The following NRG1 variants were observed in gnomAD, a reference collection of about 807,000 sequenced individuals.
The protein encoded by NRG1 is neuregulin 1, also known as pro-neuregulin-1, membrane-bound isoform.
A neutral mutation model predicts 63.8 loss-of-function variants in NRG1; 18 were observed. The ratio of observed to expected loss-of-function variants is 0.28; its 90% confidence interval spans 0.19 to 0.42. The LOEUF is 0.42. Ranked by LOEUF, NRG1 falls within the 10% of genes least tolerant of loss-of-function variation. The pLI, the probability that NRG1 is intolerant of heterozygous loss-of-function variation, is 1.00. For missense variants in NRG1, 762 were observed against 814.7 expected, an observed-to-expected ratio of 0.94 and a Z score of 0.79; for synonymous variants, 302 against 301.3, an observed-to-expected ratio of 1.00 and a Z score of -0.02.
chr8:32,250,588 A>G (rs1442503074), intron 1 of NRG1, among the ~76,000 whole-genome samples: 1 of 152,096 alleles, frequency 6.6e-6, no homozygotes, highest in Non-Finnish European at 1.5e-5. Context: ...ATTAAAATGG[A>G]TTTCCACGAA....
chr8:31,821,107 G>C (rs1236989611), intron 1 of NRG1, among the ~76,000 whole-genome samples: 1 of 152,044 alleles, frequency 6.6e-6, no homozygotes, highest in Non-Finnish European at 1.5e-5. Flanking sequence ...GTAAATAGTT[G>C]TTTTATTTGC....
Position 32,410,878 on chromosome 8 carries a change from ATTT to A in NRG1, c.38-184936_38-184934del, listed in dbSNP as rs150202882. Among the ~76,000 whole-genome samples, 875 of 141,852 alleles carry A rather than the reference ATTT, an allele frequency of 6.2e-3. 10 individuals are homozygous for A. Among genetic ancestry groups the A allele is most frequent in the African/African-American group, 0.021 (806 of 38,784 alleles). The allele number at this position is 141,852 out of a possible 152,430, so 93.1% of individuals were successfully genotyped here. On this transcript the variant is annotated intron_variant, in intron 1 of 10. Coordinates refer to the NRG1 transcript ENST00000519301. ...ACAGGCTTAAGTGATCACAACCCAC[ATTT>A]TTTTTTTTTTTTTGAGATGGAGCCT...
rs550522254 is a variant in NRG1 at position 32,032,803 on chromosome 8, C to T, written c.37+393372C>T. Among the ~76,000 whole-genome samples the T allele has an allele frequency of 5.3e-5, 8 of 152,206 alleles. No individual in the cohort carries two copies. In the South Asian group the frequency reaches 1.7e-3, roughly 32 times the overall value. On this transcript the variant is annotated intron_variant, in intron 1 of 10. Coordinates refer to the NRG1 transcript ENST00000519301. ...ATTAGATCTCATTTTTAAATTTCTGCTTTTGTTGCAACTGCTGTTGGCAAT... is the reference window on the plus strand; with the variant it reads ...ATTAGATCTCATTTTTAAATTTCTGTTTTTGTTGCAACTGCTGTTGGCAAT...
intron 1 of NRG1, among the ~76,000 whole-genome samples, chr8:32,530,062 A>G (rs954094491): frequency 8.5e-5 from 13 of 152,172 alleles, no homozygotes; most frequent in African/African-American, 3.1e-4. Context: ...GTGTTGTGCT[A>G]CAATGTCACT....
intron 1 of NRG1, among the ~76,000 whole-genome samples, chr8:32,538,713 C>A (rs369210262): frequency 6.6e-6 from 1 of 152,128 alleles, no homozygotes; most frequent in East Asian, 1.9e-4. Flanking sequence ...CCAATCATTC[C>A]GAAGCTGAAT....
chr8:32,205,728 G>C (rs145475049), intron 1 of NRG1, among the ~76,000 whole-genome samples: 2 of 152,230 alleles, frequency 1.3e-5, no homozygotes, highest in Non-Finnish European at 2.9e-5. Flanking sequence ...ATTGGCCTGG[G>C]AGGGTAAGCA....
At chr8:32,170,356 T>C (rs955018190) in intron 1 of NRG1, among the ~76,000 whole-genome samples, 3 of 152,058 alleles carry the variant, frequency 2.0e-5, no homozygotes, top group Admixed American at 6.6e-5. Context: ...GAGAAAGGAG[T>C]TGGCATTTTC....
chr8:31,983,895 C>A lies in NRG1; in HGVS notation c.37+344464C>A, dbSNP rs927915169. Among the ~76,000 whole-genome samples the A allele has an allele frequency of 4.6e-5, 7 of 151,810 alleles. No homozygotes were observed. The East Asian group carries it at 1.4e-3, about 30-fold the overall frequency. Reference sequence around the variant, plus strand: ...ATCTGGAAGATAGAAGTGAAATTGTCCATGAAAAAGGAAGAAAGAAGAATG... The same window carrying A: ...ATCTGGAAGATAGAAGTGAAATTGTACATGAAAAAGGAAGAAAGAAGAATG... On this transcript the variant is annotated intron_variant, in intron 1 of 10. Coordinates refer to the NRG1 transcript ENST00000519301.
intron 1 of NRG1, among the ~76,000 whole-genome samples, chr8:32,528,536 T>C (rs1295447591): frequency 6.6e-6 from 1 of 152,218 alleles, no homozygotes; most frequent in Non-Finnish European, 1.5e-5. Context: ...GAATTAGTGA[T>C]AGCAACTCTG....
intron 1 of NRG1, among the ~76,000 whole-genome samples, chr8:32,355,320 G>T (rs11787065): frequency 0.15 from 23,253 of 151,854 alleles, 1,980 homozygotes; most frequent in South Asian, 0.21. Context: ...TTAGCCGGGC[G>T]TGGTGGTGTG....
At chr8:32,313,540 A>T (rs565928192) in intron 1 of NRG1, among the ~76,000 whole-genome samples, 6 of 152,354 alleles carry the variant, frequency 3.9e-5, no homozygotes, top group Admixed American at 3.9e-4. Context: ...ACTCAGTAAC[A>T]ACACTGAAGT....
chr8:31,995,475 T>C (rs1811812438), intron 1 of NRG1, among the ~76,000 whole-genome samples: 1 of 151,962 alleles, frequency 6.6e-6, no homozygotes, highest in Non-Finnish European at 1.5e-5. Flanking sequence ...ATAGGCTGTT[T>C]TCCTGGGATA....
chr8:32,245,795 A>T (rs548539146), intron 1 of NRG1, among the ~76,000 whole-genome samples: 93 of 152,160 alleles, frequency 6.1e-4, no homozygotes, highest in Non-Finnish European at 1.1e-3. Context: ...TTTCATAAGG[A>T]ATCTCAAATT....
intron 7 of NRG1, among the ~76,000 whole-genome samples, chr8:32,747,920 C>CT (rs1283379862): frequency 6.6e-6 from 1 of 151,932 alleles, no homozygotes; most frequent in Non-Finnish European, 1.5e-5. Context: ...CTGTTAAACC[C>CT]TTCTGCTGTT....
chr8:32,728,447 T>C (rs1822814296), intron 6 of NRG1: 2 of 985,132 alleles, frequency 2.0e-6, no homozygotes, highest in Non-Finnish European at 2.4e-6. Context: ...TGAATTAAGC[T>C]GTAAGATAAT....
intron 1 of NRG1, among the ~76,000 whole-genome samples, chr8:32,431,376 G>T (rs574028322): frequency 1.3e-5 from 2 of 152,174 alleles, no homozygotes; most frequent in South Asian, 4.2e-4. Flanking sequence ...CTCCACCCTT[G>T]CTGATAAACG....
chr8:32,663,128 A>G (rs181713192), intron 5 of NRG1, among the ~76,000 whole-genome samples: 1 of 152,216 alleles, frequency 6.6e-6, no homozygotes, highest in East Asian at 1.9e-4. Flanking sequence ...TTCCTATTTT[A>G]TGGTTTCTTT....
chr8:32,095,915 T>A (rs1298452740), intron 1 of NRG1, among the ~76,000 whole-genome samples: 2 of 152,128 alleles, frequency 1.3e-5, no homozygotes, highest in Non-Finnish European at 2.9e-5. Flanking sequence ...GAAGGTAATG[T>A]GATAGAAAGT....
At chr8:32,767,638 T>C (rs192281510) in exon 12 of NRG1, 39 of 152,322 alleles carry the variant, frequency 2.6e-4, no homozygotes, top group Admixed American at 5.2e-4. Context: ...CCTTTATTAT[T>C]TATATTTAAG....
Sources: gnomAD v4.1 joint callset for allele counts (sites outside exome capture counted in the v4.1 genomes callset) on GRCh38, gnomAD v4.1.1 for gene constraint, MANE v1.5 for transcripts, NCBI Gene and HGNC (gene_info 2026-07-23, HGNC 2026-07-21) for gene names.